Variants in FBXO36 observed in about 807,000 individuals in gnomAD.
The protein encoded by FBXO36 is F-box only protein 36.
In FBXO36, 18 loss-of-function variants were observed where a neutral mutation model predicts 17.0. The ratio of observed to expected loss-of-function variants is 1.06; its 90% confidence interval spans 0.73 to 1.57. The LOEUF is 1.57. Ranked by LOEUF, FBXO36 falls within the 40% of genes most tolerant of loss-of-function variation. FBXO36 has a pLI of 0.00. For synonymous variants in FBXO36, 83 were observed against 85.3 expected, an observed-to-expected ratio of 0.97 and a Z score of 0.15; for missense variants, 229 against 221.9, an observed-to-expected ratio of 1.03 and a Z score of -0.20.
At chr2:229,944,299 C>G (rs530703736) in intron 1 of FBXO36, among the ~76,000 whole-genome samples, 2 of 152,262 alleles carry the variant, frequency 1.3e-5, no homozygotes, top group African/African-American at 4.8e-5. Context: ...ATAAAGCTAG[C>G]AAACAAAGGA....
At chr2:229,941,034 A>G (rs1332891569) in intron 1 of FBXO36, among the ~76,000 whole-genome samples, 4 of 152,020 alleles carry the variant, frequency 2.6e-5, no homozygotes, top group African/African-American at 9.7e-5. Flanking sequence ...GTTTGGCACA[A>G]TCCCCCTGGC....
chr2:230,006,818 G>A (rs374821223), intron 3 of FBXO36, among the ~76,000 whole-genome samples: 2 of 152,150 alleles, frequency 1.3e-5, no homozygotes, highest in East Asian at 3.9e-4. Flanking sequence ...CCGTAGTATC[G>A]CTTCTGCCTT....
In FBXO36 at chr2:229,933,404, A is replaced by G. The variant is rs113674382; in HGVS notation, c.96+10795A>G. On this transcript the variant is annotated intron_variant, in intron 1 of 3. Transcript: ENST00000283946. ...CAAAAAAAGAGCAAAACTCTCTCAT[A>G]TACACACACACACAAAGATTGTGCG... Among the ~76,000 whole-genome samples, 107 of 152,206 alleles carry G rather than the reference A, an allele frequency of 7.0e-4. 1 individual carries two copies. The highest frequency in any genetic ancestry group is 1.0e-3 in the Non-Finnish European group (69 of 68,020).
chr2:229,976,827 A>G (rs1183237590), intron 2 of FBXO36: 2 of 152,662 alleles, frequency 1.3e-5, no homozygotes, highest in Non-Finnish European at 2.9e-5. Flanking sequence ...CTTAAAAAAA[A>G]AAAAGATCCT....
intron 3 of FBXO36, among the ~76,000 whole-genome samples, chr2:230,010,362 G>T (rs550434074): frequency 1.3e-5 from 2 of 152,366 alleles, no homozygotes; most frequent in African/African-American, 2.4e-5. Flanking sequence ...GACAGTGACT[G>T]ATGGGACTTG....
intron 1 of FBXO36, among the ~76,000 whole-genome samples, chr2:229,962,143 A>G (rs2077124605): frequency 1.3e-5 from 2 of 151,840 alleles, no homozygotes; most frequent in South Asian, 4.2e-4. Context: ...AGATTGTGCC[A>G]CTGCAGTCCA....
chr2:229,988,523 T>C (rs2077280674), intron 2 of FBXO36, among the ~76,000 whole-genome samples: 1 of 152,090 alleles, frequency 6.6e-6, no homozygotes, highest in Non-Finnish European at 1.5e-5. Context: ...TGTTTTGTTT[T>C]GTTTTTGTTT....
intron 1 of FBXO36, among the ~76,000 whole-genome samples, chr2:229,957,347 C>T (rs944352809): frequency 4.6e-5 from 7 of 152,114 alleles, no homozygotes; most frequent in African/African-American, 1.4e-4. Context: ...GAGGCCAAGG[C>T]GGGCAAATAG....
intron 1 of FBXO36, among the ~76,000 whole-genome samples, chr2:229,945,455 C>A (rs1045279422): frequency 6.6e-6 from 1 of 151,954 alleles, no homozygotes; most frequent in African/African-American, 2.4e-5. Flanking sequence ...TACAGGTGCC[C>A]GCCACCACGC....
intron 1 of FBXO36, among the ~76,000 whole-genome samples, chr2:229,955,798 C>T (rs1345270748): frequency 6.6e-6 from 1 of 152,210 alleles, no homozygotes; most frequent in Non-Finnish European, 1.5e-5. Flanking sequence ...TCATTCTCTA[C>T]ATTATCATGG....
At chr2:229,968,765 G>A (rs1577346850) in intron 1 of FBXO36, among the ~76,000 whole-genome samples, 1 of 151,936 alleles carries the variant, frequency 6.6e-6, no homozygotes, top group Admixed American at 6.6e-5. Context: ...ACCATGCCCG[G>A]CCAAATTATT....
chr2:229,978,402 G>A (rs1425177169), intron 2 of FBXO36, among the ~76,000 whole-genome samples: 1 of 152,038 alleles, frequency 6.6e-6, no homozygotes, highest in Non-Finnish European at 1.5e-5. Flanking sequence ...GGCCAAGACA[G>A]TGAAACCCCA....
intron 2 of FBXO36, among the ~76,000 whole-genome samples, chr2:229,991,332 A>G (rs941097292): frequency 2.0e-5 from 3 of 152,150 alleles, no homozygotes; most frequent in Admixed American, 6.5e-5. Context: ...CCTCAAATTC[A>G]TATGTCAAAC....
chr2:229,942,408 C>T (rs1470854091), intron 1 of FBXO36, among the ~76,000 whole-genome samples: 1 of 152,080 alleles, frequency 6.6e-6, no homozygotes, highest in Non-Finnish European at 1.5e-5. Flanking sequence ...CTTTACCTAC[C>T]CTGCATAAAA....
chr2:230,003,419 T>C (rs1390628733), intron 3 of FBXO36, among the ~76,000 whole-genome samples: 1 of 152,138 alleles, frequency 6.6e-6, no homozygotes, highest in Non-Finnish European at 1.5e-5. Context: ...TAGTCTAATG[T>C]CAGCCTACAG....
chr2:229,990,346 A>C (rs1025281914), intron 2 of FBXO36, among the ~76,000 whole-genome samples: 2 of 151,422 alleles, frequency 1.3e-5, no homozygotes, highest in African/African-American at 4.8e-5. Flanking sequence ...TGTACCATTC[A>C]TTATTATTGT....
rs1462278384 is a variant in FBXO36, at chr2:229,922,625, G to C, written c.96+16G>C. 3 of 1,613,142 alleles carry C rather than the reference G, an allele frequency of 1.9e-6. No individual in the cohort carries two copies. The highest frequency in any genetic ancestry group is 1.3e-5 in the African/African-American group (1 of 74,906). On this transcript the variant is annotated intron_variant, in intron 1 of 3. Coordinates refer to ENST00000283946, the MANE Select transcript of FBXO36 (RefSeq NM_174899.5). ...CCGGTCTCAGGCAAGTGCGAGCCGCGGTTTACCCTCTCTCCTAACTCCCTA... is the reference window on the plus strand; with the variant it reads ...CCGGTCTCAGGCAAGTGCGAGCCGCCGTTTACCCTCTCTCCTAACTCCCTA...
At chr2:229,933,781 G>A (rs2076950834) in intron 1 of FBXO36, among the ~76,000 whole-genome samples, 1 of 152,052 alleles carries the variant, frequency 6.6e-6, no homozygotes, top group Admixed American at 6.6e-5. Context: ...CACTTCCCGG[G>A]TTCAAACAAT....
intron 3 of FBXO36, among the ~76,000 whole-genome samples, chr2:229,997,913 A>T (rs1346160653): frequency 1.3e-5 from 2 of 151,814 alleles, no homozygotes; most frequent in Admixed American, 6.6e-5. Flanking sequence ...TGTTCCTTCA[A>T]CTCCAGAACC....
Sources: gnomAD v4.1 joint callset for allele counts (sites outside exome capture counted in the v4.1 genomes callset) on GRCh38, gnomAD v4.1.1 for gene constraint, MANE v1.5 for transcripts, NCBI Gene and HGNC (gene_info 2026-07-23, HGNC 2026-07-21) for gene names.